The following CRYBA1 variants were observed in gnomAD, a reference collection of about 807,000 sequenced individuals.
CRYBA1 encodes the protein crystallin beta A1.
A neutral mutation model predicts 36.2 loss-of-function variants in CRYBA1; 25 were observed. That is an observed-to-expected ratio of 0.69 (90% CI 0.50 to 0.97). The LOEUF (loss-of-function observed/expected upper bound fraction) is 0.97, where lower values mean the gene tolerates loss of function less well. CRYBA1 is among the 50% of genes least tolerant of loss of function. The pLI is 0.00. For synonymous variants in CRYBA1, 111 were observed against 90.0 expected (o/e 1.23, Z -1.32); for missense variants, 224 against 276.3 (o/e 0.81, Z 1.34).
At position 29,250,174 on chromosome 17, in the gene CRYBA1, C is replaced by A. The variant is rs376499974; in HGVS notation, c.97-8C>A. On this transcript the variant is annotated splice_polypyrimidine_tract_variant and splice_region_variant and intron_variant, in intron 2 of 5. Coordinates refer to ENST00000225387, the MANE Select transcript of CRYBA1 (RefSeq NM_005208.5). ...CTAGCTCTCTTGCGCCATTCAATCT[C>A]ATTTCAGATAACCATCTATGATCAG... The A allele has an allele frequency of 4.1e-6, 6 of 1,478,232 alleles. No homozygotes were observed. Among genetic ancestry groups the A allele is most frequent in the Non-Finnish European group, 5.7e-6 (6 of 1,055,918 alleles). 91.6% of individuals were successfully genotyped at this position (1,478,232 alleles called of 1,614,324 possible). A position where few individuals can be genotyped will look rare whatever the true frequency, so the allele number is the denominator to read the frequency against.
chr17:29,253,107 T>C (rs1166532199), intron 4 of CRYBA1, among the ~76,000 whole-genome samples: 1 of 152,226 alleles, frequency 6.6e-6, no homozygotes, highest in Non-Finnish European at 1.5e-5. Context: ...CATTCCATCA[T>C]AGTTCCCTGG....
At chr17:29,246,937 C>T (rs2068904575) in intron 1 of CRYBA1, 43 bp downstream of exon 1, 5 of 1,583,704 alleles carry the variant, frequency 3.2e-6, no homozygotes, top group East Asian at 2.3e-5. Context: ...CCTCTCCTTG[C>T]CCTGCAGAGA....
intron 1 of CRYBA1, 125 bp from the exon 2 acceptor site, chr17:29,249,017 G>A: frequency 1.4e-6 from 1 of 736,398 alleles, no homozygotes; most frequent in South Asian, 1.4e-5. Context: ...CTAGTGAGCA[G>A]CAGAGCCAGA....
chr17:29,249,513 A>C (rs1289861943), intron 2 of CRYBA1, among the ~76,000 whole-genome samples: 1 of 152,204 alleles, frequency 6.6e-6, no homozygotes, highest in Non-Finnish European at 1.5e-5. Flanking sequence ...CCATGGAGAA[A>C]ATGAGGGCCC....
intron 5 of CRYBA1, 81 bp downstream of exon 5, chr17:29,253,863 A>G: frequency 6.6e-7 from 1 of 1,508,906 alleles, no homozygotes; most frequent in Non-Finnish European, 9.1e-7. Context: ...ATCAGATTTC[A>G]TACGTATCGG....
chr17:29,250,140 C>G, intron 2 of CRYBA1, 42 bp from the exon 3 acceptor site: 1 of 1,119,928 alleles, frequency 8.9e-7, no homozygotes, highest in Non-Finnish European at 1.4e-6. Context: ...CTCTGTTTTT[C>G]CTGATGTTCT....
At chr17:29,249,296 C>G in intron 2 of CRYBA1, 90 bp downstream of exon 2, 2 of 918,392 alleles carry the variant, frequency 2.2e-6, no homozygotes, top group Middle Eastern at 2.2e-4. Flanking sequence ...AAGGCAGTGA[C>G]TGACCAGAAA....
rs182958847 is a variant in CRYBA1 at position 29,254,109 on chromosome 17, A to G, written c.501-93A>G. On this transcript the variant is annotated intron_variant, in intron 5 of 5. Coordinates refer to ENST00000225387, the MANE Select transcript of CRYBA1 (RefSeq NM_005208.5). ...TTTTTTCTAAGCCTAAAAGCATCTC[A>G]TACCATTGTGTTGAGTAAAGAGGCT... The G allele has an allele frequency of 5.1e-6, 7 of 1,385,284 alleles. No individual in the cohort carries two copies. The East Asian group carries it at 1.1e-4, about 23-fold the overall frequency. The allele number at this position is 1,385,284 out of a possible 1,614,324, so 85.8% of individuals were successfully genotyped here. A position where few individuals can be genotyped will look rare whatever the true frequency, so the allele number is the denominator to read the frequency against.
At chr17:29,249,037 A>C in intron 1 of CRYBA1, 105 bp from the exon 2 acceptor site, 1 of 805,138 alleles carries the variant, frequency 1.2e-6, no homozygotes, top group Non-Finnish European at 2.2e-6. Flanking sequence ...AATTTCAACC[A>C]AAGTCTGTCT....
In CRYBA1 at chr17:29,254,325, A is replaced by G. The variant is rs2068955867; in HGVS notation, c.624A>G (p.Gln208=). Residue 208 remains glutamine (Q), a synonymous_variant, in exon 6 of 6, where the codon CAA becomes CAG. Transcript: ENST00000225387. ...WGSHAQTSQI[Q]SIRRIQQ ...CTCATGCCCAGACTTCGCAGATCCA[A>G]TCGATTCGCCGAATCCAACAGTAGC... 6.2e-7 allele frequency: 1 copy of G among 1,614,176 alleles called. No individual in the cohort carries two copies. Among genetic ancestry groups the G allele is most frequent in the Non-Finnish European group, 8.5e-7 (1 of 1,180,036 alleles).
intron 3 of CRYBA1, among the ~76,000 whole-genome samples, chr17:29,251,767 C>T (rs2068936739): frequency 6.6e-6 from 1 of 152,146 alleles, no homozygotes; most frequent in African/African-American, 2.4e-5. Flanking sequence ...GCGTGAGACA[C>T]CACACCCAGC....
chr17:29,247,048 T>C (rs1296163114), intron 1 of CRYBA1, among the ~76,000 whole-genome samples, 154 bp downstream of exon 1: 2 of 152,214 alleles, frequency 1.3e-5, no homozygotes, highest in Non-Finnish European at 2.9e-5. Context: ...CCTTCTCTTG[T>C]CACCCCAAGA....
At position 29,253,867 on chromosome 17, in the gene CRYBA1, G is replaced by T. The variant is rs547103726; in HGVS notation, c.500+85G>T. ...GTTATGTTTTAATCAGATTTCATAC[G>T]TATCGGTATAGATGTCACATTCTAG... is the stretch of plus-strand genomic sequence containing the variant. On this transcript the variant is annotated intron_variant, in intron 5 of 5. Transcript: ENST00000225387. The T allele has an allele frequency of 4.7e-6, 7 of 1,479,260 alleles. No homozygotes were observed. In the African/African-American group the frequency reaches 6.9e-5, roughly 15 times the overall value. The allele number at this position is 1,479,260 out of a possible 1,614,324, so 91.6% of individuals were successfully genotyped here. A position where few individuals can be genotyped will look rare whatever the true frequency, so the allele number is the denominator to read the frequency against.
intron 2 of CRYBA1, among the ~76,000 whole-genome samples, chr17:29,249,454 C>T (rs115090149): frequency 1.2e-4 from 19 of 152,316 alleles, no homozygotes; most frequent in African/African-American, 4.3e-4. Context: ...CTCCTCTCTC[C>T]TCCCCACTAA....
At chr17:29,252,563 G>A (rs767975530) in intron 4 of CRYBA1, among the ~76,000 whole-genome samples, 6 of 151,912 alleles carry the variant, frequency 3.9e-5, no homozygotes, top group Non-Finnish European at 8.8e-5. Flanking sequence ...TGCAGAAACA[G>A]GAAAATGCTG....
chr17:29,248,259 C>A (rs905868768), intron 1 of CRYBA1, among the ~76,000 whole-genome samples: 1 of 151,930 alleles, frequency 6.6e-6, no homozygotes, highest in African/African-American at 2.4e-5. Context: ...TAGGTGGTTG[C>A]CAAAGAGTTT....
chr17:29,249,583 G>A (rs1023810452), intron 2 of CRYBA1, among the ~76,000 whole-genome samples: 1 of 152,104 alleles, frequency 6.6e-6, no homozygotes, highest in Non-Finnish European at 1.5e-5. Context: ...CCATCCTGAG[G>A]TTGGCTTTAA....
At chr17:29,248,020 A>G (rs1289355353) in intron 1 of CRYBA1, among the ~76,000 whole-genome samples, 2 of 151,892 alleles carry the variant, frequency 1.3e-5, no homozygotes, top group African/African-American at 4.8e-5. Context: ...GGAGGCTGAG[A>G]CAGGAGAATC....
rs557533701 is a variant in CRYBA1, at chr17:29,254,133, C to T, written c.501-69C>T. On this transcript the variant is annotated intron_variant, in intron 5 of 5. Transcript: ENST00000225387. The stretch of plus-strand genomic sequence containing the variant: ...CATACCATTGTGTTGAGTAAAGAGG[C>T]TCAGGTTTTGGGGTATTAACCAGAT... The T allele has an allele frequency of 2.4e-3, 3,684 of 1,547,408 alleles. 20 individuals are homozygous for T. Among genetic ancestry groups the T allele is most frequent in the Middle Eastern group, 2.5e-3 (13 of 5,128 alleles).
Sources: gnomAD v4.1 joint callset for allele counts (sites outside exome capture counted in the v4.1 genomes callset) on GRCh38, gnomAD v4.1.1 for gene constraint, MANE v1.5 for transcripts, NCBI Gene and HGNC (gene_info 2026-07-23, HGNC 2026-07-21) for gene names.